The following RALGPS1 variants were observed in gnomAD, a reference collection of about 807,000 sequenced individuals.
RALGPS1 encodes ras-specific guanine nucleotide-releasing factor RalGPS1.
RALGPS1 carries 19 observed loss-of-function variants against 78.8 expected under a neutral mutation model. The observed-to-expected ratio is 0.24, with a 90% CI of 0.17 to 0.35. The LOEUF (loss-of-function observed/expected upper bound fraction) is 0.35, where lower values mean the gene tolerates loss of function less well. Among genes scored for constraint, RALGPS1 ranks in the 10% least tolerant of loss-of-function variants. The probability of loss-of-function intolerance (pLI) is 1.00; values close to 1 mark genes in which losing one functional copy is unlikely to be tolerated. For synonymous variants in RALGPS1, 228 were observed against 256.3 expected (o/e 0.89, Z 1.06); for missense variants, 454 against 688.3 (o/e 0.66, Z 3.81).
chr9:127,084,459 TC>T (rs2051493288), intron 8 of RALGPS1, among the ~76,000 whole-genome samples: 1 of 152,098 alleles, frequency 6.6e-6, no homozygotes, highest in Admixed American at 6.5e-5. Context: ...AGCCCTCTGG[TC>T]CTAGGAAGCC....
At chr9:126,988,387 C>T (rs1459138410) in intron 4 of RALGPS1, among the ~76,000 whole-genome samples, 1 of 152,112 alleles carries the variant, frequency 6.6e-6, no homozygotes, top group African/African-American at 2.4e-5. Context: ...CTTGTTAGCC[C>T]TGAGCATTCA....
intron 4 of RALGPS1, among the ~76,000 whole-genome samples, chr9:127,003,772 A>C (rs977134511): frequency 6.6e-6 from 1 of 152,108 alleles, no homozygotes; most frequent in Non-Finnish European, 1.5e-5. Flanking sequence ...TTTGTTACAT[A>C]GGTAATGTGT....
At chr9:127,142,419 T>G (rs2057841348) in intron 8 of RALGPS1, among the ~76,000 whole-genome samples, 1 of 152,168 alleles carries the variant, frequency 6.6e-6, no homozygotes. Flanking sequence ...TGATCCCACC[T>G]AATTGTTTGG....
intron 1 of RALGPS1, among the ~76,000 whole-genome samples, chr9:126,943,974 A>G (rs1388574031): frequency 6.6e-6 from 1 of 152,184 alleles, no homozygotes; most frequent in Admixed American, 6.5e-5. Flanking sequence ...GCCAAGGAGA[A>G]CTCAGAGACC....
chr9:127,152,117 T>G (rs1284807358), intron 8 of RALGPS1, among the ~76,000 whole-genome samples: 5 of 152,188 alleles, frequency 3.3e-5, no homozygotes, highest in Non-Finnish European at 7.3e-5. Flanking sequence ...TCTCTGACAG[T>G]TCTCTCTTAT....
intron 9 of RALGPS1, among the ~76,000 whole-genome samples, chr9:127,167,483 C>G (rs1029164169): frequency 6.6e-6 from 1 of 152,202 alleles, no homozygotes; most frequent in African/African-American, 2.4e-5. Flanking sequence ...TGAAAAGTCA[C>G]TTTCTCCCCT....
At chr9:127,155,189 A>G (rs115821306) in intron 8 of RALGPS1, among the ~76,000 whole-genome samples, 10 of 152,266 alleles carry the variant, frequency 6.6e-5, no homozygotes, top group African/African-American at 2.4e-4. Flanking sequence ...GGTTGAAGGG[A>G]GTCGTGTATA....
intron 11 of RALGPS1, among the ~76,000 whole-genome samples, chr9:127,191,551 C>T (rs184001892): frequency 3.3e-4 from 51 of 152,280 alleles, no homozygotes; most frequent in African/African-American, 1.2e-3. Flanking sequence ...ATGCCCAATA[C>T]CACACTCTTT....
At chr9:126,964,419 A>G (rs1420618695) in intron 2 of RALGPS1, among the ~76,000 whole-genome samples, 1 of 151,718 alleles carries the variant, frequency 6.6e-6, no homozygotes, top group East Asian at 1.9e-4. Context: ...GTCCCCTTGA[A>G]TCAGCCCTCC....
intron 11 of RALGPS1, among the ~76,000 whole-genome samples, chr9:127,186,404 C>T (rs985946196): frequency 6.6e-6 from 1 of 152,224 alleles, no homozygotes; most frequent in Non-Finnish European, 1.5e-5. Flanking sequence ...TCAGCCCGCC[C>T]AGAGCCCTGG....
In RALGPS1 at chr9:127,214,848, G is replaced by A. The variant is rs766625498; in HGVS notation, c.1644+6G>A. 7 of 1,613,068 alleles carry A rather than the reference G, an allele frequency of 4.3e-6. No individual in the cohort carries two copies. The highest frequency in any genetic ancestry group is 5.9e-6 in the Non-Finnish European group (7 of 1,179,666). ...GTAAAAGCAACAGGCCTCAGGTAAA[G>A]TCATCAAAATCCTGCTTGTCACCTG... On this transcript the variant is annotated splice_donor_region_variant and intron_variant, in intron 18 of 18. Coordinates refer to ENST00000259351, the MANE Select transcript of RALGPS1 (RefSeq NM_014636.3).
chr9:127,084,769 G>A (rs1165430942), intron 8 of RALGPS1, among the ~76,000 whole-genome samples: 1 of 152,258 alleles, frequency 6.6e-6, no homozygotes, highest in Non-Finnish European at 1.5e-5. Context: ...CCAGTGCGGG[G>A]CCATGCCCTT....
rs2061903932 is a variant in RALGPS1, at chr9:127,205,846, G to A, written c.1248-6285G>A. Among the ~76,000 whole-genome samples, 1 of 152,206 alleles carries A rather than the reference G, an allele frequency of 6.6e-6. No individual in the cohort carries two copies. The highest frequency in any genetic ancestry group is 2.4e-5 in the African/African-American group (1 of 41,448). On this transcript the variant is annotated intron_variant, in intron 14 of 18. Coordinates refer to ENST00000259351, the MANE Select transcript of RALGPS1 (RefSeq NM_014636.3). This position sits in a 1 kb window ranked among gnomAD's most constrained non-coding sequence, Gnocchi z 4.0. ...TCTCAGATCTGGTTCCTAATCACCA[G>A]GAGAGAAGATCTGGCATACCTGGCT...
At chr9:126,990,096 T>A (rs1364386791) in intron 4 of RALGPS1, 2 of 1,377,206 alleles carry the variant, frequency 1.5e-6, no homozygotes, top group Non-Finnish European at 2.0e-6. Flanking sequence ...GGACAAACCC[T>A]GTGTGTCTTT....
At chr9:126,979,978 A>G (rs1234826545) in intron 4 of RALGPS1, among the ~76,000 whole-genome samples, 1 of 152,144 alleles carries the variant, frequency 6.6e-6, no homozygotes, top group Non-Finnish European at 1.5e-5. Flanking sequence ...TTCCCAGGTA[A>G]TTCTGAGGCA....
At chr9:127,137,021 T>C (rs1460984006) in intron 8 of RALGPS1, among the ~76,000 whole-genome samples, 2 of 152,170 alleles carry the variant, frequency 1.3e-5, no homozygotes, top group Admixed American at 1.3e-4. Flanking sequence ...GATTTTAACC[T>C]CAGCCTTGGG....
chr9:127,101,078 A>T (rs914914278), intron 8 of RALGPS1, among the ~76,000 whole-genome samples: 4 of 151,618 alleles, frequency 2.6e-5, no homozygotes, highest in Non-Finnish European at 5.9e-5. Context: ...CTTCCTCATC[A>T]CCTCCTTCAG....
At chr9:127,027,978 G>A (rs2046100346) in intron 4 of RALGPS1, among the ~76,000 whole-genome samples, 1 of 152,194 alleles carries the variant, frequency 6.6e-6, no homozygotes, top group Non-Finnish European at 1.5e-5. Context: ...AGTCTAGCAG[G>A]CCATTTTAAC....
At chr9:126,955,751 G>A (rs1297806842) in intron 1 of RALGPS1, among the ~76,000 whole-genome samples, 1 of 152,204 alleles carries the variant, frequency 6.6e-6, no homozygotes, top group East Asian at 1.9e-4. Flanking sequence ...AGCAACTGTT[G>A]GTTAGGACAG....
Sources: gnomAD v4.1 joint callset for allele counts (sites outside exome capture counted in the v4.1 genomes callset) on GRCh38, gnomAD v4.1.1 for gene constraint, Gnocchi (gnomAD v3.1) non-coding constraint, MANE v1.5 for transcripts, NCBI Gene and HGNC (gene_info 2026-07-23, HGNC 2026-07-21) for gene names.